The following KCNH5 variants were observed in gnomAD, a reference collection of about 807,000 sequenced individuals.
KCNH5 encodes voltage-gated delayed rectifier potassium channel KCNH5.
A neutral mutation model predicts 96.1 loss-of-function variants in KCNH5; 46 were observed. The ratio of observed to expected loss-of-function variants is 0.48; its 90% CI spans 0.38 to 0.61. KCNH5 has a LOEUF of 0.61. KCNH5 is among the 20% of genes least tolerant of loss of function. The pLI is 0.00. For synonymous variants in KCNH5, 439 were observed against 449.8 expected, an observed-to-expected ratio of 0.98 and a Z score of 0.30; for missense variants, 907 against 1,225.8, an observed-to-expected ratio of 0.74 and a Z score of 3.88.
chr14:62,922,716 C>G (rs1300391728), intron 7 of KCNH5, among the ~76,000 whole-genome samples: 1 of 151,932 alleles, frequency 6.6e-6, no homozygotes, highest in Non-Finnish European at 1.5e-5. Flanking sequence ...TCATGACCAT[C>G]TCAGTAGATG....
chr14:62,900,337 A>G (rs1277517448), intron 7 of KCNH5, among the ~76,000 whole-genome samples: 1 of 152,232 alleles, frequency 6.6e-6, no homozygotes, highest in African/African-American at 2.4e-5. Context: ...GGGGAAGTTT[A>G]ATAAATAGCT....
At chr14:62,973,170 G>C (rs986194693) in intron 6 of KCNH5, among the ~76,000 whole-genome samples, 3 of 151,878 alleles carry the variant, frequency 2.0e-5, no homozygotes, top group African/African-American at 4.8e-5. Flanking sequence ...ACCTAAAAGC[G>C]GTCTTAAAAA....
At chr14:62,962,717 G>A (rs541925269) in intron 6 of KCNH5, among the ~76,000 whole-genome samples, 1 of 152,214 alleles carries the variant, frequency 6.6e-6, no homozygotes, top group East Asian at 1.9e-4. Context: ...AGACAATAAT[G>A]GACAGAATTA....
rs551517123 is a variant in KCNH5 at position 62,930,189 on chromosome 14, G to C, written c.1369+19944C>G. 2.8e-4 allele frequency among the ~76,000 whole-genome samples: 42 copies of C among 152,134 alleles called. 1 individual carries two copies. In the South Asian group the frequency reaches 7.7e-3, roughly 28 times the overall value. ...GGGTTGAATATTAACTCTGTTTTAAGTTCTTTCAGAAATCCCCAAAATGCT... is the reference window on the plus strand; with the variant it reads ...GGGTTGAATATTAACTCTGTTTTAACTTCTTTCAGAAATCCCCAAAATGCT... On this transcript the variant is annotated intron_variant, in intron 7 of 10. Transcript: ENST00000322893.
At chr14:62,756,046 A>C (rs1885617101) in intron 10 of KCNH5, among the ~76,000 whole-genome samples, 1 of 152,102 alleles carries the variant, frequency 6.6e-6, no homozygotes, top group Non-Finnish European at 1.5e-5. Context: ...TAAGGAAAAA[A>C]AAAACAAAAC....
intron 10 of KCNH5, among the ~76,000 whole-genome samples, chr14:62,750,782 G>C (rs1048170632): frequency 5.3e-5 from 8 of 152,150 alleles, no homozygotes; most frequent in Non-Finnish European, 2.9e-5. Flanking sequence ...CTTAATTGCA[G>C]GGCTCTAATA....
chr14:63,036,617 T>C (rs1891726815), intron 1 of KCNH5, among the ~76,000 whole-genome samples: 1 of 152,014 alleles, frequency 6.6e-6, no homozygotes, highest in African/African-American at 2.4e-5. Context: ...CCTTTGGAAA[T>C]ACAGACCTGG....
intron 7 of KCNH5, among the ~76,000 whole-genome samples, chr14:62,907,303 G>A (rs1468482841): frequency 6.6e-6 from 1 of 152,166 alleles, no homozygotes; most frequent in African/African-American, 2.4e-5. Flanking sequence ...AGTGTTTCAG[G>A]AGTGATTACA....
chr14:62,974,291 C>T (rs1890461830), intron 6 of KCNH5, among the ~76,000 whole-genome samples: 1 of 152,140 alleles, frequency 6.6e-6, no homozygotes, highest in Non-Finnish European at 1.5e-5. Flanking sequence ...TCCTATGCTA[C>T]CAAACAGCGT....
intron 7 of KCNH5, among the ~76,000 whole-genome samples, chr14:62,890,412 A>C (rs1888682455): frequency 6.6e-6 from 1 of 152,052 alleles, no homozygotes; most frequent in African/African-American, 2.4e-5. Flanking sequence ...AAGTGGGCAA[A>C]GGGCCGGGCG....
At chr14:62,710,256 T>C (rs1006618781) in intron 10 of KCNH5, among the ~76,000 whole-genome samples, 14 of 152,204 alleles carry the variant, frequency 9.2e-5, no homozygotes, top group African/African-American at 3.4e-4. Context: ...TGGTACTAAT[T>C]TGTATTTTGA....
rs923935412 is a variant in KCNH5 at position 62,701,833 on chromosome 14, G to A, written c.*5675C>T. On this transcript the variant is annotated 3_prime_UTR_variant, in exon 11 of 11. Coordinates refer to ENST00000322893, the MANE Select transcript of KCNH5 (RefSeq NM_139318.5). ...TCTGAAGTAAATATACATACTGTGA[G>A]CTCATTAATTTTGGAAATAAGGATA... 6.6e-6 allele frequency: 1 copy of A among 152,018 alleles called. No homozygotes were observed. Among genetic ancestry groups the A allele is most frequent in the African/African-American group, 2.4e-5 (1 of 41,424 alleles). 9.4% of individuals were successfully genotyped at this position (152,018 alleles called of 1,614,324 possible). A position where few individuals can be genotyped will look rare whatever the true frequency, so the allele number is the denominator to read the frequency against.
intron 4 of KCNH5, among the ~76,000 whole-genome samples, chr14:62,987,491 T>C (rs573874355): frequency 6.6e-6 from 1 of 152,322 alleles, no homozygotes; most frequent in South Asian, 2.1e-4. Flanking sequence ...TACAGCTTTC[T>C]TACTGGGAAA....
At chr14:62,916,489 T>C (rs1303342139) in intron 7 of KCNH5, among the ~76,000 whole-genome samples, 1 of 152,222 alleles carries the variant, frequency 6.6e-6, no homozygotes, top group Non-Finnish European at 1.5e-5. Context: ...ATGTGAGAAA[T>C]AATTAACTTC....
intron 8 of KCNH5, among the ~76,000 whole-genome samples, chr14:62,816,309 T>C (rs1886977163): frequency 6.6e-6 from 1 of 151,994 alleles, no homozygotes; most frequent in African/African-American, 2.4e-5. Context: ...TACATGTACA[T>C]ATATCAGCGT....
intron 7 of KCNH5, among the ~76,000 whole-genome samples, chr14:62,934,315 C>T (rs187789053): frequency 1.8e-3 from 277 of 152,170 alleles, no homozygotes; most frequent in Non-Finnish European, 2.4e-3. Flanking sequence ...GTTTCTTTAG[C>T]AAACACCAAA....
At chr14:62,778,827 T>A (rs1886150439) in intron 10 of KCNH5, among the ~76,000 whole-genome samples, 1 of 152,238 alleles carries the variant, frequency 6.6e-6, no homozygotes, top group African/African-American at 2.4e-5. Flanking sequence ...GCTAGTCTCA[T>A]CCTTTCTTGG....
At chr14:62,963,908 AG>A (rs1418035847) in intron 6 of KCNH5, among the ~76,000 whole-genome samples, 3 of 152,180 alleles carry the variant, frequency 2.0e-5, no homozygotes, top group Non-Finnish European at 4.4e-5. Context: ...GAAAATAGCT[AG>A]AACAGTAAGC....
At chr14:62,823,822 T>A (rs1219147298) in intron 8 of KCNH5, among the ~76,000 whole-genome samples, 1 of 152,010 alleles carries the variant, frequency 6.6e-6, no homozygotes, top group African/African-American at 2.4e-5. Flanking sequence ...TCCCTGCTTG[T>A]CAATATGACT....
Sources: allele counts gnomAD v4.1 joint callset (sites outside exome capture counted in the v4.1 genomes callset), GRCh38; gene constraint gnomAD v4.1.1; transcripts MANE v1.5; gene names NCBI Gene and HGNC (gene_info 2026-07-23, HGNC 2026-07-21).